Variants in SCTR observed in about 807,000 individuals in gnomAD.
The protein encoded by SCTR is secretin receptor.
In SCTR, 56 loss-of-function variants were observed where a neutral mutation model predicts 60.8. The observed-to-expected ratio is 0.92, with a 90% CI of 0.74 to 1.15. The LOEUF (loss-of-function observed/expected upper bound fraction) is 1.15. Ranked by LOEUF, SCTR falls within the 50% of genes most tolerant of loss-of-function variation. The pLI, the probability that SCTR is intolerant of heterozygous loss-of-function variation, is 0.00. For missense variants in SCTR, 562 were observed against 550.4 expected, an observed-to-expected ratio of 1.02 and a Z score of -0.21; for synonymous variants, 202 against 217.0, an observed-to-expected ratio of 0.93 and a Z score of 0.61.
intron 9 of SCTR, among the ~76,000 whole-genome samples, chr2:119,450,537 AAAAC>A (rs1487593470): frequency 6.7e-6 from 1 of 148,270 alleles, no homozygotes; most frequent in Non-Finnish European, 1.5e-5. Flanking sequence ...AAAAAACAAA[AAAAC>A]AAAAAAAAAA....
At chr2:119,451,513 T>G (rs1683169334) in intron 9 of SCTR, among the ~76,000 whole-genome samples, 1 of 152,194 alleles carries the variant, frequency 6.6e-6, no homozygotes, top group Admixed American at 6.5e-5. Flanking sequence ...ATCTCTTCCC[T>G]GGGGCCGCCC....
chr2:119,523,392 C>CCAT (rs1553470452), intron 1 of SCTR, among the ~76,000 whole-genome samples: 2 of 134,268 alleles, frequency 1.5e-5, no homozygotes, highest in Non-Finnish European at 3.2e-5. Context: ...CATCCTGCCG[C>CCAT]TATTATTATT....
intron 1 of SCTR, among the ~76,000 whole-genome samples, chr2:119,495,096 T>A (rs1008972815): frequency 6.8e-6 from 1 of 146,334 alleles, no homozygotes; most frequent in Admixed American, 7.0e-5. Flanking sequence ...TGTGCCACCA[T>A]GCCTGGATAT....
chr2:119,450,927 C>T (rs201474163), intron 9 of SCTR, among the ~76,000 whole-genome samples: 2 of 152,202 alleles, frequency 1.3e-5, no homozygotes, highest in Non-Finnish European at 2.9e-5. Context: ...TGCGCCACTG[C>T]GCTCCAGCCT....
At chr2:119,484,420 C>A (rs561681443) in intron 2 of SCTR, among the ~76,000 whole-genome samples, 4 of 152,116 alleles carry the variant, frequency 2.6e-5, no homozygotes, top group Admixed American at 2.6e-4. Flanking sequence ...GGGTTGCCTG[C>A]CCCAGTGCCC....
At chr2:119,468,924 G>A (rs1171725342) in intron 4 of SCTR, among the ~76,000 whole-genome samples, 1 of 152,208 alleles carries the variant, frequency 6.6e-6, no homozygotes, top group African/African-American at 2.4e-5. Context: ...CAGACCTCAT[G>A]TGTGAGCTCC....
chr2:119,517,165 C>CTT (rs879596871), intron 1 of SCTR, among the ~76,000 whole-genome samples: 3 of 145,638 alleles, frequency 2.1e-5, no homozygotes, highest in African/African-American at 7.5e-5. Context: ...ACTTTAAGTG[C>CTT]TTTTTTTTTT....
intron 2 of SCTR, among the ~76,000 whole-genome samples, chr2:119,483,134 G>A (rs527947806): frequency 3.2e-4 from 48 of 152,352 alleles, no homozygotes; most frequent in East Asian, 1.4e-3. Context: ...AGATGTGGAC[G>A]GTGCCAGCAC....
chr2:119,478,755 C>T (rs1677454359), intron 3 of SCTR, 56 bp downstream of exon 3: 1 of 1,562,646 alleles, frequency 6.4e-7, no homozygotes, highest in African/African-American at 1.4e-5. Context: ...GCTGAGGCCC[C>T]ACCCAGAGGG....
intron 7 of SCTR, among the ~76,000 whole-genome samples, chr2:119,458,822 C>T (rs536594331): frequency 6.6e-6 from 1 of 152,172 alleles, no homozygotes; most frequent in Non-Finnish European, 1.5e-5. Flanking sequence ...CCACCCCAGA[C>T]CCACTGCCTC....
intron 1 of SCTR, among the ~76,000 whole-genome samples, chr2:119,497,859 A>G (rs1678408126): frequency 6.6e-6 from 1 of 152,186 alleles, no homozygotes; most frequent in Non-Finnish European, 1.5e-5. Flanking sequence ...GAAAATAAAA[A>G]TTAAGAAACC....
intron 7 of SCTR, among the ~76,000 whole-genome samples, chr2:119,460,070 C>T (rs1026558878): frequency 6.6e-6 from 1 of 151,360 alleles, no homozygotes; most frequent in Non-Finnish European, 1.5e-5. Context: ...TGCCAAGGTT[C>T]AGAAGCAGGA....
intron 1 of SCTR, among the ~76,000 whole-genome samples, chr2:119,519,517 C>T (rs941633948): frequency 6.6e-6 from 1 of 152,004 alleles, no homozygotes; most frequent in African/African-American, 2.4e-5. Flanking sequence ...GATGCATGTG[C>T]TGGTTAAGAA....
intron 6 of SCTR, among the ~76,000 whole-genome samples, chr2:119,462,653 A>G (rs1286327217): frequency 6.6e-6 from 1 of 152,210 alleles, no homozygotes; most frequent in African/African-American, 2.4e-5. Context: ...CTACACCAGC[A>G]CAGCTCCTGT....
chr2:119,463,157 C>T (rs1683686079), intron 6 of SCTR, among the ~76,000 whole-genome samples: 1 of 151,980 alleles, frequency 6.6e-6, no homozygotes, highest in Non-Finnish European at 1.5e-5. Flanking sequence ...TCTCAATTTC[C>T]AATCTCTTTT....
At chr2:119,474,640 G>C (rs925826711) in intron 3 of SCTR, among the ~76,000 whole-genome samples, 7 of 152,178 alleles carry the variant, frequency 4.6e-5, no homozygotes, top group Non-Finnish European at 7.3e-5. Context: ...TCTTTACACA[G>C]TCTCCAGGGG....
intron 2 of SCTR, chr2:119,479,854 T>A (rs866107459): frequency 1.3e-5 from 2 of 152,192 alleles, no homozygotes; most frequent in African/African-American, 4.8e-5. Flanking sequence ...CAGAGCCAGA[T>A]GCGTGGCCCA....
intron 5 of SCTR, among the ~76,000 whole-genome samples, chr2:119,464,517 G>T (rs1683752051): frequency 6.6e-6 from 1 of 151,858 alleles, no homozygotes; most frequent in Non-Finnish European, 1.5e-5. Context: ...ACTTAGGGAG[G>T]CCAAGGCAGG....
intron 9 of SCTR, among the ~76,000 whole-genome samples, chr2:119,451,111 G>A (rs571289371): frequency 1.3e-5 from 2 of 152,300 alleles, no homozygotes; most frequent in African/African-American, 2.4e-5. Context: ...GGAAGAGAAG[G>A]GGCCCTGTCC....
Sources: allele counts gnomAD v4.1 joint callset (sites outside exome capture counted in the v4.1 genomes callset), GRCh38; gene constraint gnomAD v4.1.1; transcripts MANE v1.5; gene names NCBI Gene and HGNC (gene_info 2026-07-23, HGNC 2026-07-21).